The following TMEM108 variants were observed in gnomAD, a reference collection of about 807,000 sequenced individuals.
TMEM108 encodes the protein transmembrane protein 108, also known as cancer/testis antigen 124.
A neutral mutation model predicts 35.1 loss-of-function variants in TMEM108; 12 were observed. That is an observed-to-expected ratio of 0.34 (90% CI 0.22 to 0.55). The LOEUF is 0.55. Ranked by LOEUF, TMEM108 falls within the 20% of genes least tolerant of loss-of-function variation. TMEM108 has a pLI of 0.89. For missense variants in TMEM108, 680 were observed against 753.3 expected, an observed-to-expected ratio of 0.90 and a Z score of 1.14; for synonymous variants, 287 against 308.6, an observed-to-expected ratio of 0.93 and a Z score of 0.73.
chr3:133,321,979 AATG>A (rs1439882137), intron 3 of TMEM108, among the ~76,000 whole-genome samples: 9 of 152,330 alleles, frequency 5.9e-5, no homozygotes, highest in Middle Eastern at 3.4e-3. Context: ...CTTTGAACTG[AATG>A]ATAATTTTGA....
Position 133,387,802 on chromosome 3 carries a change from A to ATAGAT in TMEM108, c.1451-2376_1451-2372dup, listed in dbSNP as rs1320345730. The stretch of plus-strand genomic sequence containing the variant: ...GTAACTTACTCAAGTCATGCAAGTA[A>ATAGAT]TAGATTGTCACCTAGATTCTAATTC... On this transcript the variant is annotated intron_variant, in intron 4 of 5. Transcript: ENST00000321871. The ATAGAT allele has an allele frequency of 6.1e-6, 6 of 979,552 alleles. No individual in the cohort carries two copies. In the South Asian group the frequency reaches 2.8e-4, roughly 46 times the overall value. 60.7% of individuals were successfully genotyped at this position (979,552 alleles called of 1,614,324 possible). A position where few individuals can be genotyped will look rare whatever the true frequency, so the allele number is the denominator to read the frequency against.
chr3:133,280,403 C>A (rs150892514), intron 3 of TMEM108, among the ~76,000 whole-genome samples: 114 of 152,248 alleles, frequency 7.5e-4, no homozygotes, highest in African/African-American at 2.5e-3. Context: ...TAATCACAGG[C>A]GGTAGATGTT....
At chr3:133,209,809 G>A (rs1438381301) in intron 2 of TMEM108, among the ~76,000 whole-genome samples, 1 of 152,114 alleles carries the variant, frequency 6.6e-6, no homozygotes, top group African/African-American at 2.4e-5. Flanking sequence ...TTAGAGATGA[G>A]GGTGGTTTCA....
chr3:133,313,053 C>T lies in TMEM108; in HGVS notation c.41-66699C>T, dbSNP rs1021013055. ...TAACATATTTTCTTCCTGAGCAAGA[C>T]CCAGTCTAGGACCACAAAATTTACT... is the stretch of plus-strand genomic sequence containing the variant. On this transcript the variant is annotated intron_variant, in intron 3 of 5. Coordinates refer to ENST00000321871, the MANE Select transcript of TMEM108 (RefSeq NM_023943.4). Among the ~76,000 whole-genome samples, 8 of 152,232 alleles carry T rather than the reference C, an allele frequency of 5.3e-5. No homozygotes were observed. In the South Asian group the frequency reaches 1.7e-3, roughly 32 times the overall value.
At chr3:133,157,965 C>G (rs1269577437) in intron 2 of TMEM108, among the ~76,000 whole-genome samples, 4 of 152,194 alleles carry the variant, frequency 2.6e-5, no homozygotes, top group Non-Finnish European at 5.9e-5. Flanking sequence ...TCTCTTTAGA[C>G]TGAACAGATT....
At chr3:133,099,236 G>A (rs557807622) in intron 2 of TMEM108, among the ~76,000 whole-genome samples, 16 of 152,300 alleles carry the variant, frequency 1.1e-4, no homozygotes, top group South Asian at 2.1e-4. Context: ...TGAGTTCTGC[G>A]TTGGCTCCTT....
intron 2 of TMEM108, among the ~76,000 whole-genome samples, chr3:133,226,225 G>A (rs1482311837): frequency 2.6e-5 from 4 of 152,182 alleles, no homozygotes; most frequent in Non-Finnish European, 5.9e-5. Context: ...TAAAATGGCT[G>A]CCCTTAGAGG....
chr3:133,201,053 G>A (rs531735961), intron 2 of TMEM108, among the ~76,000 whole-genome samples: 4 of 152,068 alleles, frequency 2.6e-5, no homozygotes, highest in Middle Eastern at 3.2e-3. Context: ...AAAAACCACC[G>A]TGTGCCTGAA....
chr3:133,374,426 GAAA>G (rs1356573934), intron 3 of TMEM108, among the ~76,000 whole-genome samples: 1 of 151,626 alleles, frequency 6.6e-6, no homozygotes, highest in Non-Finnish European at 1.5e-5. Context: ...TTAAAATTAT[GAAA>G]AAAAGATAAA....
chr3:133,200,159 G>A (rs28609699), intron 2 of TMEM108, among the ~76,000 whole-genome samples: 2,652 of 152,188 alleles, frequency 0.017, 84 homozygotes, highest in African/African-American at 0.06. Flanking sequence ...TCCAGGTGCC[G>A]TCTGTCACGG....
At chr3:133,327,814 G>C (rs1309894700) in intron 3 of TMEM108, among the ~76,000 whole-genome samples, 2 of 152,068 alleles carry the variant, frequency 1.3e-5, no homozygotes, top group Non-Finnish European at 2.9e-5. Flanking sequence ...AAAGACAAAA[G>C]AAGAGTCAAG....
chr3:133,195,241 G>A (rs1000600563), intron 2 of TMEM108, among the ~76,000 whole-genome samples: 10 of 152,020 alleles, frequency 6.6e-5, no homozygotes, highest in South Asian at 2.1e-4. Flanking sequence ...AGGTAATACC[G>A]TGTCTCATTT....
intron 2 of TMEM108, among the ~76,000 whole-genome samples, chr3:133,177,661 C>T (rs952577370): frequency 6.6e-6 from 1 of 152,146 alleles, no homozygotes; most frequent in African/African-American, 2.4e-5. Context: ...TGGGACGTAT[C>T]TCAAAATAAT....
chr3:133,373,319 A>G (rs1209083228), intron 3 of TMEM108, among the ~76,000 whole-genome samples: 1 of 148,364 alleles, frequency 6.7e-6, no homozygotes, highest in Non-Finnish European at 1.5e-5. Flanking sequence ...ACTGCACTCT[A>G]GCCTGGGTCA....
At chr3:133,392,432 G>T (rs2073248782) in intron 5 of TMEM108, among the ~76,000 whole-genome samples, 1 of 152,172 alleles carries the variant, frequency 6.6e-6, no homozygotes, top group South Asian at 2.1e-4. Flanking sequence ...CAAAGTGCTG[G>T]GATTATAGGC....
intron 3 of TMEM108, among the ~76,000 whole-genome samples, chr3:133,245,556 AT>A (rs894979843): frequency 9.9e-5 from 15 of 152,074 alleles, no homozygotes; most frequent in Non-Finnish European, 2.1e-4. Flanking sequence ...AAATTATACA[AT>A]TTTTTTTGTT....
At chr3:133,140,792 TG>T in intron 2 of TMEM108, among the ~76,000 whole-genome samples, 1 of 119,918 alleles carries the variant, frequency 8.3e-6, no homozygotes, top group East Asian at 2.4e-4. Context: ...AAATGAAGTC[TG>T]GCTCTAAGAA....
intron 2 of TMEM108, among the ~76,000 whole-genome samples, chr3:133,190,032 G>A (rs905773750): frequency 3.3e-5 from 5 of 151,942 alleles, no homozygotes; most frequent in Non-Finnish European, 5.9e-5. Flanking sequence ...AGAAAATGAA[G>A]TATTGCTTTC....
chr3:133,336,167 C>T (rs948874899), intron 3 of TMEM108, among the ~76,000 whole-genome samples: 4 of 152,106 alleles, frequency 2.6e-5, no homozygotes, highest in African/African-American at 9.7e-5. Flanking sequence ...AGTTCTGGTG[C>T]TGAACTGAGC....
Sources: allele counts gnomAD v4.1 joint callset (sites outside exome capture counted in the v4.1 genomes callset), GRCh38; gene constraint gnomAD v4.1.1; transcripts MANE v1.5; gene names NCBI Gene and HGNC (gene_info 2026-07-23, HGNC 2026-07-21).